TEKT3: variants seen among roughly 807,000 people sequenced by gnomAD.
TEKT3 encodes the protein tektin-3.
TEKT3 carries 49 observed loss-of-function variants against 49.8 expected under a neutral mutation model. The ratio of observed to expected loss-of-function variants is 0.98; its 90% CI spans 0.78 to 1.25. The LOEUF (loss-of-function observed/expected upper bound fraction) is 1.25. Among genes scored for constraint, TEKT3 ranks in the 50% most tolerant of loss-of-function variants. TEKT3 has a pLI of 0.00. For synonymous variants in TEKT3, 225 were observed against 237.2 expected (o/e 0.95, Z 0.47); for missense variants, 595 against 629.5 (o/e 0.95, Z 0.59).
intron 1 of TEKT3, among the ~76,000 whole-genome samples, chr17:15,340,833 C>T (rs1266615852): frequency 6.6e-6 from 1 of 152,148 alleles, no homozygotes; most frequent in Non-Finnish European, 1.5e-5. Flanking sequence ...TTGTCAGTTA[C>T]CTCAAAACAT....
chr17:15,341,122 C>T (rs1912212679), intron 1 of TEKT3, among the ~76,000 whole-genome samples: 1 of 152,178 alleles, frequency 6.6e-6, no homozygotes, highest in South Asian at 2.1e-4. Flanking sequence ...GATCTGAAGG[C>T]TCGGCTATTG....
chr17:15,316,133 C>T (rs79910598), intron 5 of TEKT3, among the ~76,000 whole-genome samples: 1 of 152,326 alleles, frequency 6.6e-6, no homozygotes, highest in East Asian at 1.9e-4. Flanking sequence ...CTTGCTACTT[C>T]TGTGCTGAGG....
chr17:15,310,594 C>T (rs1040348715), intron 7 of TEKT3, among the ~76,000 whole-genome samples: 3 of 152,024 alleles, frequency 2.0e-5, no homozygotes, highest in South Asian at 2.1e-4. Context: ...CCAACCCTGC[C>T]GGCACCTTGA....
chr17:15,313,881 T>C (rs1338595071), intron 6 of TEKT3, among the ~76,000 whole-genome samples: 1 of 152,174 alleles, frequency 6.6e-6, no homozygotes, highest in South Asian at 2.1e-4. Flanking sequence ...TAACAAATAT[T>C]ACTTTACAAA....
At chr17:15,326,184 A>T (rs1367957170) in intron 4 of TEKT3, among the ~76,000 whole-genome samples, 1 of 152,086 alleles carries the variant, frequency 6.6e-6, no homozygotes, top group Non-Finnish European at 1.5e-5. Flanking sequence ...TGGGGATAAA[A>T]CTACTCTGAG....
intron 8 of TEKT3, chr17:15,306,855 G>A (rs150979165): frequency 7.9e-5 from 12 of 152,332 alleles, no homozygotes; most frequent in Middle Eastern, 6.8e-3. Flanking sequence ...TCACTGCTGG[G>A]TTCTTCTAAA....
At chr17:15,308,957 T>A in intron 7 of TEKT3, 139 bp from the exon 8 acceptor site, 1 of 1,056,590 alleles carries the variant, frequency 9.5e-7, no homozygotes, top group South Asian at 1.5e-5. Context: ...CAAGACCGTC[T>A]ATCCTTTCCA....
chr17:15,322,218 T>C (rs949869508), intron 4 of TEKT3, among the ~76,000 whole-genome samples: 5 of 152,190 alleles, frequency 3.3e-5, no homozygotes, highest in African/African-American at 1.2e-4. Flanking sequence ...CATGAATATA[T>C]ACACATTTTT....
intron 2 of TEKT3, among the ~76,000 whole-genome samples, chr17:15,333,963 C>T (rs192559954): frequency 6.6e-6 from 1 of 151,972 alleles, no homozygotes; most frequent in African/African-American, 2.4e-5. Context: ...CGGGGTTTCA[C>T]CATGCTAGCC....
intron 2 of TEKT3, among the ~76,000 whole-genome samples, chr17:15,334,555 T>C (rs893723423): frequency 6.6e-6 from 1 of 152,166 alleles, no homozygotes; most frequent in Non-Finnish European, 1.5e-5. Flanking sequence ...ACACACCAGA[T>C]GAGATATGTG....
intron 8 of TEKT3, among the ~76,000 whole-genome samples, chr17:15,308,134 T>C (rs1910618172): frequency 6.6e-6 from 1 of 151,992 alleles, no homozygotes; most frequent in Admixed American, 6.6e-5. Flanking sequence ...AGACAGCAAA[T>C]GAGTAGATAG....
At chr17:15,305,820 A>C (rs1339092547) in intron 8 of TEKT3, among the ~76,000 whole-genome samples, 1 of 151,934 alleles carries the variant, frequency 6.6e-6, no homozygotes, top group Admixed American at 6.6e-5. Context: ...TATAGAACGT[A>C]GGCAGTTAGA....
At chr17:15,316,632 T>C (rs1187426618) in intron 5 of TEKT3, among the ~76,000 whole-genome samples, 1 of 152,172 alleles carries the variant, frequency 6.6e-6, no homozygotes, top group Non-Finnish European at 1.5e-5. Flanking sequence ...TTTACAAAAT[T>C]AAAATGTTAA....
In TEKT3 at chr17:15,310,645, C is replaced by T. The variant is rs140609698; in HGVS notation, c.1101+1614G>A. Among the ~76,000 whole-genome samples the T allele has an allele frequency of 4.6e-5, 7 of 152,174 alleles. No homozygotes were observed. The East Asian group carries it at 1.4e-3, about 29-fold the overall frequency. On this transcript the variant is annotated intron_variant, in intron 7 of 8. Coordinates refer to ENST00000395930, the MANE Select transcript of TEKT3 (RefSeq NM_031898.3). Reference sequence around the variant, plus strand: ...CTCCATTAATTAATTTTCTCTCTCTCCAGTGAGAAAATTGATTTCTATTGT... The same window carrying T: ...CTCCATTAATTAATTTTCTCTCTCTTCAGTGAGAAAATTGATTTCTATTGT...
Position 15,303,952 on chromosome 17 carries a change from A to G in TEKT3, c.1457T>C (p.Leu486Pro), listed in dbSNP as rs1468504112. 6.2e-7 allele frequency: 1 copy of G among 1,614,054 alleles called. No homozygotes were observed. The highest frequency in any genetic ancestry group is 1.7e-5 in the Admixed American group (1 of 60,020). The change falls in exon 9 of 9, where the codon CTG becomes CCG. Residue 486 changes from leucine to proline, a missense_variant. By Grantham distance (98) the Leu-to-Pro change is moderately conservative (BLOSUM62 -3). Coordinates refer to ENST00000395930, the MANE Select transcript of TEKT3 (RefSeq NM_031898.3). ...MRKSYPNTLR[L>P]VGFC ...GTGGGGTCCCTAGCAGAAGCCGACCAGCCGGAGGGTGTTGGGGTAGCTCTT... is the reference window on the plus strand; with the variant it reads ...GTGGGGTCCCTAGCAGAAGCCGACCGGCCGGAGGGTGTTGGGGTAGCTCTT...
intron 5 of TEKT3, among the ~76,000 whole-genome samples, chr17:15,316,411 A>G (rs1378798249): frequency 6.6e-6 from 1 of 152,032 alleles, no homozygotes; most frequent in Admixed American, 6.5e-5. Flanking sequence ...TGGCTGGAAC[A>G]GTGGTTGAAA....
At chr17:15,332,911 GTAT>G (rs1911826302) in intron 2 of TEKT3, among the ~76,000 whole-genome samples, 1 of 151,552 alleles carries the variant, frequency 6.6e-6, no homozygotes, top group African/African-American at 2.4e-5. Context: ...ACCAACATGT[GTAT>G]TATTTATATT....
intron 4 of TEKT3, 64 bp from the exon 5 acceptor site, chr17:15,319,211 A>C: frequency 7.6e-7 from 1 of 1,321,290 alleles, no homozygotes. Flanking sequence ...CAAAATCAAC[A>C]ATGTAACAAA....
At chr17:15,337,413 C>T (rs549552415) in intron 2 of TEKT3, among the ~76,000 whole-genome samples, 2 of 152,210 alleles carry the variant, frequency 1.3e-5, no homozygotes, top group African/African-American at 4.8e-5. Context: ...GAAAATGATA[C>T]AAATCCAACT....
Sources: gnomAD v4.1 joint callset for allele counts (sites outside exome capture counted in the v4.1 genomes callset) on GRCh38, gnomAD v4.1.1 for gene constraint, MANE v1.5 for transcripts, NCBI Gene and HGNC (gene_info 2026-07-23, HGNC 2026-07-21) for gene names.